PAK3: variants seen among roughly 807,000 people sequenced by gnomAD.
PAK3 encodes the protein serine/threonine-protein kinase PAK 3.
Under a neutral mutation model 41.0 loss-of-function variants are expected in PAK3, and 4 were observed. The ratio of observed to expected loss-of-function variants is 0.10; its 90% CI spans 0.05 to 0.22. The LOEUF is 0.22. PAK3 is among the 10% of genes least tolerant of loss of function. The pLI is 1.00. For missense variants in PAK3, 205 were observed against 409.9 expected (o/e 0.50, Z 4.32); for synonymous variants, 146 against 139.6 (o/e 1.05, Z -0.32).
At chrX:111,105,524 A>G (rs2093240553) in intron 4 of PAK3, among the ~76,000 whole-genome samples, 1 of 112,041 alleles carries the variant, frequency 8.9e-6, no homozygotes, top group South Asian at 3.7e-4. Context: ...TATCACAGGG[A>G]CACAAACGTG....
intron 1 of PAK3, among the ~76,000 whole-genome samples, chrX:110,971,409 G>C (rs2091205350): frequency 8.9e-6 from 1 of 112,332 alleles, no homozygotes; most frequent in Non-Finnish European, 1.9e-5. Context: ...GTTGAAGCAT[G>C]TATTAGTATT....
intron 4 of PAK3, among the ~76,000 whole-genome samples, chrX:111,103,604 A>G (rs966545232): frequency 8.9e-6 from 1 of 112,237 alleles, no homozygotes; most frequent in African/African-American, 3.2e-5. Flanking sequence ...TAAGAGCTTC[A>G]GTATAACACA....
intron 1 of PAK3, among the ~76,000 whole-genome samples, chrX:111,003,904 C>T (rs1334036680): frequency 8.9e-6 from 1 of 112,585 alleles, no homozygotes; most frequent in Non-Finnish European, 1.9e-5. Flanking sequence ...ACTGACTCTG[C>T]AACTTACTGG....
At chrX:111,026,786 C>A (rs1269066768) in intron 1 of PAK3, among the ~76,000 whole-genome samples, 2 of 111,400 alleles carry the variant, frequency 1.8e-5, no homozygotes, top group Non-Finnish European at 3.8e-5. Context: ...CAGCATCATT[C>A]TTCACAGAAC....
intron 5 of PAK3, among the ~76,000 whole-genome samples, chrX:111,134,543 G>A (rs139352231): frequency 0.019 from 2,156 of 111,758 alleles, 43 homozygotes; most frequent in African/African-American, 0.061. Context: ...AGGTGCTGGG[G>A]TACAAAGGTG....
chrX:111,076,022 G>T (rs1321892228), intron 1 of PAK3, among the ~76,000 whole-genome samples: 2 of 112,512 alleles, frequency 1.8e-5, no homozygotes, highest in African/African-American at 6.5e-5. Flanking sequence ...TAATGAAAAT[G>T]TCTGGTCAAT....
At chrX:111,194,202 A>G in intron 13 of PAK3, 99 bp from the exon 14 acceptor site, 1 of 591,089 alleles carries the variant, frequency 1.7e-6, no homozygotes, top group East Asian at 3.2e-5. Context: ...GGCATAGCAC[A>G]ACTCAGAGTT....
At chrX:111,211,630 C>T (rs575560383) in intron 16 of PAK3, among the ~76,000 whole-genome samples, 91 of 103,015 alleles carry the variant, frequency 8.8e-4, no homozygotes, top group South Asian at 3.2e-3. Context: ...GAGCCATGAT[C>T]GCACCACTAC....
At chrX:111,171,724 A>G (rs947327707) in intron 10 of PAK3, among the ~76,000 whole-genome samples, 2 of 111,798 alleles carry the variant, frequency 1.8e-5, no homozygotes, top group African/African-American at 6.5e-5. Context: ...GAAGATGGGG[A>G]GTAACTGCTA....
intron 1 of PAK3, among the ~76,000 whole-genome samples, chrX:111,030,829 T>C (rs2092331732): frequency 8.9e-6 from 1 of 111,862 alleles, no homozygotes; most frequent in Non-Finnish European, 1.9e-5. Context: ...TACCTAACAG[T>C]GATACAAATG....
intron 1 of PAK3, among the ~76,000 whole-genome samples, chrX:111,083,376 T>C (rs774620590): frequency 8.9e-6 from 1 of 112,513 alleles, no homozygotes; most frequent in Non-Finnish European, 1.9e-5. Context: ...AAGGCCTTCA[T>C]GACTTGCTGC....
At chrX:111,088,342 G>A (rs1413614399) in intron 1 of PAK3, among the ~76,000 whole-genome samples, 1 of 111,956 alleles carries the variant, frequency 8.9e-6, no homozygotes, top group East Asian at 2.8e-4. Context: ...ATAAAATAGT[G>A]AACCTGGGAT....
chrX:110,993,498 G>C (rs1180331504), intron 1 of PAK3, among the ~76,000 whole-genome samples: 1 of 111,530 alleles, frequency 9.0e-6, no homozygotes, highest in Non-Finnish European at 1.9e-5. Context: ...TACATTTTCT[G>C]TATCACCTAA....
chrX:111,079,839 A>G (rs751709380), intron 1 of PAK3, among the ~76,000 whole-genome samples: 1 of 112,249 alleles, frequency 8.9e-6, no homozygotes, highest in Non-Finnish European at 1.9e-5. Flanking sequence ...AGGAGTTTGG[A>G]AGAAGTTGAT....
chrX:111,129,653 G>A (rs2093692649), intron 5 of PAK3, among the ~76,000 whole-genome samples: 1 of 111,400 alleles, frequency 9.0e-6, no homozygotes, highest in Non-Finnish European at 1.9e-5. Flanking sequence ...TGGTAGCCCC[G>A]TAAAACCAAC....
intron 1 of PAK3, among the ~76,000 whole-genome samples, chrX:110,998,568 CAGCAATGGGGCAGT>C (rs1358566737): frequency 3.6e-5 from 4 of 111,819 alleles, no homozygotes; most frequent in Non-Finnish European, 7.5e-5. Context: ...ATGAGGAGGA[CAGCAATGGGGCAGT>C]AGCAGTATCT....
At chrX:110,945,640 T>TTC (rs2090602018) in intron 1 of PAK3, among the ~76,000 whole-genome samples, 1 of 112,121 alleles carries the variant, frequency 8.9e-6, no homozygotes, top group South Asian at 3.7e-4. Context: ...TACAGTGAAG[T>TTC]TAGTGGTGTG....
chrX:111,195,801 T>A (rs1569459141), intron 14 of PAK3, 41 bp from the exon 15 acceptor site: 5 of 829,154 alleles, frequency 6.0e-6, no homozygotes, highest in Middle Eastern at 2.8e-4. Flanking sequence ...TATTAAAAAT[T>A]ATTTGTGATA....
chrX:111,139,499 A>AGG (rs1465800295), intron 5 of PAK3, among the ~76,000 whole-genome samples: 1 of 111,693 alleles, frequency 9.0e-6, no homozygotes, highest in Non-Finnish European at 1.9e-5. Context: ...CGCCTAAAGG[A>AGG]GGAGGAGCCT....
Sources: allele counts gnomAD v4.1 joint callset (sites outside exome capture counted in the v4.1 genomes callset), GRCh38; gene constraint gnomAD v4.1.1; transcripts MANE v1.5; gene names NCBI Gene and HGNC (gene_info 2026-07-23, HGNC 2026-07-21).